Variants in MOB3A observed in about 807,000 individuals in gnomAD.
MOB3A encodes the protein MOB LAK.
In MOB3A, 17 loss-of-function variants were observed where a neutral mutation model predicts 17.8. That is an observed-to-expected ratio of 0.95 (90% CI 0.65 to 1.43). The LOEUF is 1.43. Ranked by LOEUF, MOB3A falls within the 40% of genes most tolerant of loss-of-function variation. MOB3A has a pLI of 0.00. For missense variants in MOB3A, 333 were observed against 310.8 expected (o/e 1.07, Z -0.54); for synonymous variants, 124 against 133.2 (o/e 0.93, Z 0.48).
At chr19:2,080,541 C>G (rs1444458464) in intron 2 of MOB3A, among the ~76,000 whole-genome samples, 2 of 152,088 alleles carry the variant, frequency 1.3e-5, no homozygotes, top group East Asian at 3.9e-4. Context: ...CCACACCCAG[C>G]TAATTTTTGT....
At chr19:2,083,807 C>T (rs189362057) in intron 2 of MOB3A, among the ~76,000 whole-genome samples, 1 of 152,224 alleles carries the variant, frequency 6.6e-6, no homozygotes, top group African/African-American at 2.4e-5. Flanking sequence ...AACCGTGCCA[C>T]CTGGTTGGGC....
At chr19:2,073,594 C>A (rs1320848129) in intron 4 of MOB3A, among the ~76,000 whole-genome samples, 170 bp from the exon 5 acceptor site, 1 of 152,152 alleles carries the variant, frequency 6.6e-6, no homozygotes, top group Non-Finnish European at 1.5e-5. Flanking sequence ...CCAGGGGCAG[C>A]AGGCTACCCC....
chr19:2,091,373 T>C (rs1599412894), intron 1 of MOB3A, among the ~76,000 whole-genome samples: 3 of 152,216 alleles, frequency 2.0e-5, no homozygotes, highest in South Asian at 2.1e-4. Flanking sequence ...CAAAACAGTA[T>C]GGATACCCAG....
At chr19:2,083,592 G>A (rs146508779) in intron 2 of MOB3A, among the ~76,000 whole-genome samples, 2 of 152,294 alleles carry the variant, frequency 1.3e-5, no homozygotes, top group African/African-American at 2.4e-5. Context: ...AGAGGAAACC[G>A]TGCAGGCGAG....
At chr19:2,079,467 A>C (rs1456743149) in intron 2 of MOB3A, among the ~76,000 whole-genome samples, 2 of 152,320 alleles carry the variant, frequency 1.3e-5, no homozygotes, top group East Asian at 3.9e-4. Context: ...GGAGTGAGGC[A>C]GATACGGGGG....
intron 1 of MOB3A, among the ~76,000 whole-genome samples, chr19:2,090,587 A>T (rs2017602677): frequency 6.6e-6 from 1 of 152,186 alleles, no homozygotes; most frequent in African/African-American, 2.4e-5. Context: ...AGCCCCACAC[A>T]GGAAGTAACA....
rs1475343584 is a variant in MOB3A at position 2,082,540 on chromosome 19, A to G, written c.-120+2635T>C. On this transcript the variant is annotated intron_variant, in intron 2 of 4. Transcript: ENST00000357066. This position sits in a 1 kb window ranked among gnomAD's most constrained non-coding sequence, Gnocchi z 4.1. ...CTCGAACCCTGGACTCTGTGGGTGGATCGGCCGGGTCTCGAACCCTGGACT... is the reference window on the plus strand; with the variant it reads ...CTCGAACCCTGGACTCTGTGGGTGGGTCGGCCGGGTCTCGAACCCTGGACT... 6.6e-6 allele frequency among the ~76,000 whole-genome samples: 1 copy of G among 152,070 alleles called. No homozygotes were observed. Among genetic ancestry groups the G allele is most frequent in the Non-Finnish European group, 1.5e-5 (1 of 68,008 alleles).
chr19:2,087,029 G>A (rs375074036), intron 1 of MOB3A, among the ~76,000 whole-genome samples: 2 of 152,070 alleles, frequency 1.3e-5, no homozygotes, highest in South Asian at 2.1e-4. Flanking sequence ...GGAGTCAAGC[G>A]ATCTTCCCAC....
rs2017447753 is a variant in MOB3A, at chr19:2,078,571, C to A, written c.-11G>T. On this transcript the variant is annotated 5_prime_UTR_variant, in exon 3 of 5. Transcript: ENST00000357066. ...GAAGGGGTTGGACATCTTGGTGACG[C>A]CTGCTCTCCTGGACTTCTGTAGAGG... 1 of 1,554,294 alleles carries A rather than the reference C, an allele frequency of 6.4e-7. No homozygotes were observed. Among genetic ancestry groups the A allele is most frequent in the African/African-American group, 1.4e-5 (1 of 73,500 alleles).
intron 1 of MOB3A, among the ~76,000 whole-genome samples, chr19:2,094,735 A>G (rs1211387813): frequency 6.6e-6 from 1 of 152,264 alleles, no homozygotes; most frequent in Non-Finnish European, 1.5e-5. Context: ...CCAAAGCAGA[A>G]AGCACAGATG....
At chr19:2,076,554 C>T (rs1462020403) in intron 4 of MOB3A, among the ~76,000 whole-genome samples, 3 of 152,180 alleles carry the variant, frequency 2.0e-5, no homozygotes, top group Admixed American at 1.3e-4. Flanking sequence ...ACGGTGAAGG[C>T]GGAGTGAGCT....
intron 1 of MOB3A, among the ~76,000 whole-genome samples, chr19:2,090,892 G>A (rs901266575): frequency 6.6e-6 from 1 of 152,230 alleles, no homozygotes; most frequent in Admixed American, 6.5e-5. Context: ...TCGATCTCCT[G>A]ACCTCGTGAT....
At chr19:2,089,257 C>T (rs2017586714) in intron 1 of MOB3A, among the ~76,000 whole-genome samples, 1 of 152,182 alleles carries the variant, frequency 6.6e-6, no homozygotes, top group South Asian at 2.1e-4. Flanking sequence ...GCTGCACGTC[C>T]AGAAGCTGAG....
rs866994751 is a variant in MOB3A, at chr19:2,082,044, G to A, written c.-120+3131C>T. Among the ~76,000 whole-genome samples the A allele has an allele frequency of 6.6e-6, 1 of 152,160 alleles. No individual in the cohort carries two copies. The highest frequency in any genetic ancestry group is 2.4e-5 in the African/African-American group (1 of 41,440). On this transcript the variant is annotated intron_variant, in intron 2 of 4. Transcript: ENST00000357066. The surrounding 1 kb of genome is among the most constrained non-coding windows in gnomAD (Gnocchi z 4.1). ...GGCAGCCTGGGCACAGGTGGCAGGA[G>A]GACTTGAGTCCCACCCACGCTGCAG...
At chr19:2,088,711 G>T (rs1019265176) in intron 1 of MOB3A, among the ~76,000 whole-genome samples, 1 of 151,790 alleles carries the variant, frequency 6.6e-6, no homozygotes, top group East Asian at 1.9e-4. Context: ...CTCATGATCC[G>T]CCCGCCTCGA....
At chr19:2,091,200 G>T (rs1248376158) in intron 1 of MOB3A, among the ~76,000 whole-genome samples, 1 of 152,122 alleles carries the variant, frequency 6.6e-6, no homozygotes, top group Non-Finnish European at 1.5e-5. Flanking sequence ...CCATCTGGCT[G>T]GAAAGAAAAG....
chr19:2,092,479 C>A (rs755111908), intron 1 of MOB3A, among the ~76,000 whole-genome samples: 2 of 152,056 alleles, frequency 1.3e-5, no homozygotes, highest in Non-Finnish European at 2.9e-5. Flanking sequence ...TTTTGATATA[C>A]TCAAAAGGAA....
Position 2,093,329 on chromosome 19 carries a change from T to C in MOB3A, c.-274+2897A>G, listed in dbSNP as rs2017634160. On this transcript the variant is annotated intron_variant, in intron 1 of 4. Coordinates refer to ENST00000357066, the MANE Select transcript of MOB3A (RefSeq NM_130807.3). This position sits in a 1 kb window ranked among gnomAD's most constrained non-coding sequence, Gnocchi z 4.6. ...CGCGCCAGCATGCCCGGGTAAATTTTGTATTCCTCAGCCGATGAGCTCTGT... is the reference window on the plus strand; with the variant it reads ...CGCGCCAGCATGCCCGGGTAAATTTCGTATTCCTCAGCCGATGAGCTCTGT... 6.6e-6 allele frequency among the ~76,000 whole-genome samples: 1 copy of C among 152,020 alleles called. No individual in the cohort carries two copies. The highest frequency in any genetic ancestry group is 2.1e-4 in the South Asian group (1 of 4,826).
At position 2,076,940 on chromosome 19, in the gene MOB3A, G is replaced by A. The variant is rs144377379; in HGVS notation, c.495C>T (p.His165=). ...TGCGGTCAAAGTGGTGGATGTAGAC[G>A]TGCACGAACACGCGGAACAGCCGCG... The part of the protein sequence containing the change: ...ILSRLFRVFV[H]VYIHHFDRIA... Residue 165 remains histidine (H), a synonymous_variant, in exon 4 of 5, where the codon CAC becomes CAT. Transcript: ENST00000357066. 78 of 1,614,026 alleles carry A rather than the reference G, an allele frequency of 4.8e-5. No individual in the cohort carries two copies. Among genetic ancestry groups the A allele is most frequent in the Non-Finnish European group, 6.3e-5 (74 of 1,180,026 alleles).
Sources: allele counts gnomAD v4.1 joint callset (sites outside exome capture counted in the v4.1 genomes callset), GRCh38; gene constraint gnomAD v4.1.1; non-coding constraint Gnocchi (gnomAD v3.1); transcripts MANE v1.5; gene names NCBI Gene and HGNC (gene_info 2026-07-23, HGNC 2026-07-21).